Variants in PDPN observed in about 807,000 individuals in gnomAD.
PDPN encodes PA2.26 antigen.
A neutral mutation model predicts 23.2 loss-of-function variants in PDPN; 12 were observed. The ratio of observed to expected loss-of-function variants is 0.52; its 90% CI spans 0.33 to 0.84. The LOEUF is 0.84. PDPN is among the 40% of genes least tolerant of loss of function. The pLI is 0.02. For missense variants in PDPN, 199 were observed against 212.2 expected, an observed-to-expected ratio of 0.94 and a Z score of 0.39; for synonymous variants, 77 against 76.7, an observed-to-expected ratio of 1.00 and a Z score of -0.02.
chr1:13,610,303 C>T lies in PDPN; in HGVS notation c.202-84C>T, dbSNP rs1640899645. The T allele has an allele frequency of 5.8e-6, 7 of 1,201,144 alleles. No individual in the cohort carries two copies. In the Admixed American group the frequency reaches 6.6e-5, roughly 11 times the overall value. The allele number at this position is 1,201,144 out of a possible 1,614,324, so 74.4% of individuals were successfully genotyped here. On this transcript the variant is annotated intron_variant, in intron 2 of 5. Coordinates refer to ENST00000621990, the MANE Select transcript of PDPN (RefSeq NM_006474.5). Reference sequence around the variant, plus strand: ...CATATGTTCCATATTTTTATGCCACCTTAAATCCTTTTATAAGGCAGGGGA... The same window carrying T: ...CATATGTTCCATATTTTTATGCCACTTTAAATCCTTTTATAAGGCAGGGGA...
chr1:13,591,930 T>C (rs1640357660), intron 1 of PDPN, among the ~76,000 whole-genome samples: 1 of 152,256 alleles, frequency 6.6e-6, no homozygotes. Flanking sequence ...CCACCAGCAA[T>C]ACATGCTGTT....
In PDPN at chr1:13,614,497, G is replaced by A. The variant is rs60984685; in HGVS notation, c.482+86G>A. On this transcript the variant is annotated intron_variant, in intron 5 of 5. Coordinates refer to ENST00000621990, the MANE Select transcript of PDPN (RefSeq NM_006474.5). ...AATCTTTGAACTAATAGAAATCTCT[G>A]ATATAAGCTGGGTGTGGTGGCTCGT... 3,996 of 782,120 alleles carry A rather than the reference G, an allele frequency of 5.1e-3. 117 individuals are homozygous for A. The African/African-American group carries it at 0.061, about 12-fold the overall frequency. 48.4% of individuals were successfully genotyped at this position (782,120 alleles called of 1,614,324 possible). A position where few individuals can be genotyped will look rare whatever the true frequency, so the allele number is the denominator to read the frequency against.
At position 13,584,075 on chromosome 1, in the gene PDPN, G is replaced by T. The variant is rs781054465; in HGVS notation, c.42G>T (p.Ala14=). The change falls in exon 1 of 6, where the codon GCG becomes GCT. Residue 14 remains alanine, a synonymous_variant. Transcript: ENST00000621990. ...VSALLFVLGS[A]SLWVLAEGAS... ...CTCTGCTCTTCGTTTTGGGAAGCGC[G>T]TCGCTCTGGGTCCTGGCAGAAGGAG... 13 of 1,612,952 alleles carry T rather than the reference G, an allele frequency of 8.1e-6. No individual in the cohort carries two copies. The Admixed American group carries it at 1.7e-4, about 21-fold the overall frequency.
At chr1:13,590,291 A>G (rs1640305579) in intron 1 of PDPN, among the ~76,000 whole-genome samples, 1 of 152,230 alleles carries the variant, frequency 6.6e-6, no homozygotes, top group Non-Finnish European at 1.5e-5. Context: ...ATTAAGTTAG[A>G]GAGGAAGCAT....
At chr1:13,592,566 T>TTG (rs1491038962) in intron 1 of PDPN, among the ~76,000 whole-genome samples, 2 of 123,970 alleles carry the variant, frequency 1.6e-5, no homozygotes, top group African/African-American at 3.0e-5. Context: ...TTTTTTTTTT[T>TTG]GAGACAGAGT....
chr1:13,585,876 G>C (rs1640164891), intron 1 of PDPN, among the ~76,000 whole-genome samples: 1 of 152,134 alleles, frequency 6.6e-6, no homozygotes, highest in Non-Finnish European at 1.5e-5. Context: ...TTGGGGAGCT[G>C]GGCTGGGGGG....
chr1:13,600,624 C>CA (rs1311031223), intron 1 of PDPN, among the ~76,000 whole-genome samples: 4 of 152,288 alleles, frequency 2.6e-5, no homozygotes, highest in African/African-American at 9.6e-5. Flanking sequence ...CTTGGCCTCC[C>CA]AAAGTGCTGG....
intron 1 of PDPN, among the ~76,000 whole-genome samples, chr1:13,601,787 C>T (rs993712288): frequency 2.6e-5 from 4 of 152,192 alleles, no homozygotes; most frequent in Admixed American, 2.6e-4. Flanking sequence ...TATTATAATA[C>T]TTCAAAATAA....
rs184685099 is a variant in PDPN, at chr1:13,614,176, C to T, written c.371-124C>T. 1,013 of 609,410 alleles carry T rather than the reference C, an allele frequency of 1.7e-3. 9 individuals are homozygous for T. Among genetic ancestry groups the T allele is most frequent in the East Asian group, 3.1e-3 (112 of 35,888 alleles). 37.8% of individuals were successfully genotyped at this position (609,410 alleles called of 1,614,324 possible). On this transcript the variant is annotated intron_variant, in intron 4 of 5. Coordinates refer to ENST00000621990, the MANE Select transcript of PDPN (RefSeq NM_006474.5). ...CCTTTTGGAAGAAATGCTCCATGCT[C>T]AAACAACATAGAGCAATATTTGCTA...
chr1:13,607,108 G>A, intron 1 of PDPN, 65 bp from the exon 2 acceptor site: 1 of 1,509,056 alleles, frequency 6.6e-7, no homozygotes, highest in African/African-American at 1.4e-5. Flanking sequence ...TCCGAATGTA[G>A]CCGACAAGTT....
At chr1:13,601,302 A>G (rs1640635555) in intron 1 of PDPN, among the ~76,000 whole-genome samples, 1 of 152,200 alleles carries the variant, frequency 6.6e-6, no homozygotes, top group Non-Finnish European at 1.5e-5. Flanking sequence ...GATAGTTGGC[A>G]GTGTCCAGGC....
chr1:13,587,893 A>T (rs532452261), intron 1 of PDPN, among the ~76,000 whole-genome samples: 2 of 152,186 alleles, frequency 1.3e-5, no homozygotes, highest in African/African-American at 2.4e-5. Context: ...AGCCAGTCAG[A>T]TGATGGCAAG....
intron 1 of PDPN, chr1:13,585,511 A>G: frequency 7.4e-7 from 1 of 1,350,036 alleles, no homozygotes; most frequent in Non-Finnish European, 9.8e-7. Flanking sequence ...TCACCAGGGC[A>G]AAGCAAGGGA....
chr1:13,615,281 T>C (rs1360650910), intron 5 of PDPN, among the ~76,000 whole-genome samples: 2 of 135,554 alleles, frequency 1.5e-5, no homozygotes, highest in African/African-American at 6.1e-5. Flanking sequence ...TTTTTCTTTC[T>C]CTTTCTTTTT....
chr1:13,609,331 A>G (rs921762917), intron 2 of PDPN, among the ~76,000 whole-genome samples: 3 of 152,184 alleles, frequency 2.0e-5, no homozygotes, highest in Non-Finnish European at 4.4e-5. Context: ...CCACCCCAGA[A>G]TGCCAGCTTC....
At chr1:13,602,046 C>CA (rs879319338) in intron 1 of PDPN, among the ~76,000 whole-genome samples, 36,451 of 91,176 alleles carry the variant, frequency 0.4, 5,344 homozygotes, top group Admixed American at 0.49. Flanking sequence ...GTGGCTCATG[C>CA]CTTTGGGTGG....
chr1:13,607,826 C>T (rs189771658), intron 2 of PDPN, among the ~76,000 whole-genome samples: 92 of 152,232 alleles, frequency 6.0e-4, no homozygotes, highest in Non-Finnish European at 6.5e-4. Flanking sequence ...TCTTCTCAGC[C>T]GGGCGTGGTG....
At chr1:13,608,639 G>T (rs1192581459) in intron 2 of PDPN, among the ~76,000 whole-genome samples, 1 of 152,114 alleles carries the variant, frequency 6.6e-6, no homozygotes, top group Non-Finnish European at 1.5e-5. Flanking sequence ...CAGAGTCGCA[G>T]AGAAAACGAA....
chr1:13,611,199 C>T (rs533884445), intron 3 of PDPN, among the ~76,000 whole-genome samples: 5 of 149,894 alleles, frequency 3.3e-5, no homozygotes, highest in Non-Finnish European at 5.9e-5. Context: ...CCAACCTGGG[C>T]GACAGTGCGA....
Sources: allele counts gnomAD v4.1 joint callset (sites outside exome capture counted in the v4.1 genomes callset), GRCh38; gene constraint gnomAD v4.1.1; transcripts MANE v1.5; gene names NCBI Gene and HGNC (gene_info 2026-07-23, HGNC 2026-07-21).